Variants in SLC2A13 observed in about 807,000 individuals in gnomAD.
The protein encoded by SLC2A13 is solute carrier family 2 member 13, also known as proton myo-inositol cotransporter.
In SLC2A13, 32 loss-of-function variants were observed where a neutral mutation model predicts 64.4. That is an observed-to-expected ratio of 0.50 (90% CI 0.37 to 0.67). SLC2A13 has a LOEUF of 0.67. Among genes scored for constraint, SLC2A13 ranks in the 30% least tolerant of loss-of-function variants. SLC2A13 has a pLI of 0.00. For missense variants in SLC2A13, 743 were observed against 829.2 expected (o/e 0.90, Z 1.28); for synonymous variants, 338 against 327.1 (o/e 1.03, Z -0.36).
At chr12:40,040,642 T>A (rs1339768703) in intron 2 of SLC2A13, among the ~76,000 whole-genome samples, 1 of 152,156 alleles carries the variant, frequency 6.6e-6, no homozygotes, top group Non-Finnish European at 1.5e-5. Flanking sequence ...TCCACCAGCT[T>A]TGGCCTCCCA....
At chr12:39,946,588 C>G (rs893286604) in intron 4 of SLC2A13, among the ~76,000 whole-genome samples, 1 of 152,088 alleles carries the variant, frequency 6.6e-6, no homozygotes, top group Non-Finnish European at 1.5e-5. Flanking sequence ...AGTTGTGTAC[C>G]TAGGAGGATT....
In SLC2A13 at chr12:39,977,799, C is replaced by A. The variant is rs536596146; in HGVS notation, c.926-26434G>T. Among the ~76,000 whole-genome samples the A allele has an allele frequency of 7.2e-5, 11 of 152,284 alleles. No homozygotes were observed. In the East Asian group the frequency reaches 1.7e-3, roughly 24 times the overall value. Reference sequence around the variant, plus strand: ...TCAGTTGAGTGAAAGCATTTGAGATCAAAAAGAAGAGATTCCTATAAATTA... The same window carrying A: ...TCAGTTGAGTGAAAGCATTTGAGATAAAAAAGAAGAGATTCCTATAAATTA... On this transcript the variant is annotated intron_variant, in intron 3 of 9. Coordinates refer to ENST00000280871, the MANE Select transcript of SLC2A13 (RefSeq NM_052885.4).
chr12:40,105,280 C>A lies in SLC2A13; in HGVS notation c.529G>T (p.Gly177Cys). The change falls in exon 1 of 10, where the codon GGC becomes TGC. Residue 177 changes from glycine to cysteine, a missense_variant. Gly to Cys is a radical substitution (Grantham distance 159). This residue lies in a region of SLC2A13 where 448 missense variants were observed against 447.4 expected (regional missense o/e 1.00). Transcript: ENST00000280871. The surrounding 1 kb of genome is among the most constrained non-coding windows in gnomAD (Gnocchi z 4.2). ...AANNKETLLA[G>C]RLVVGLGIGI... ...ATGCCGAGTCCCACGACCAGGCGGC[C>A]GGCGAGCAGTGTCTCCTTGTTGTTG... 1 of 1,598,030 alleles carries A rather than the reference C, an allele frequency of 6.3e-7. No homozygotes were observed. The highest frequency in any genetic ancestry group is 1.4e-5 in the African/African-American group (1 of 73,736).
chr12:39,977,457 C>A (rs995068415), intron 3 of SLC2A13, among the ~76,000 whole-genome samples: 11 of 152,206 alleles, frequency 7.2e-5, no homozygotes, highest in African/African-American at 2.7e-4. Flanking sequence ...GAAAAGAAAG[C>A]AGTAGACTGA....
chr12:40,067,889 C>T (rs1053098248), intron 1 of SLC2A13, among the ~76,000 whole-genome samples: 9 of 151,996 alleles, frequency 5.9e-5, no homozygotes, highest in African/African-American at 1.7e-4. Flanking sequence ...AGATTGCTTC[C>T]GGTGAAAATT....
intron 3 of SLC2A13, among the ~76,000 whole-genome samples, chr12:39,963,301 A>AAAG (rs1946450208): frequency 6.6e-6 from 1 of 151,930 alleles, no homozygotes; most frequent in Admixed American, 6.6e-5. Context: ...AAAAAAAAAA[A>AAAG]AAAATAGCCA....
chr12:40,032,249 G>A (rs1370429115), intron 2 of SLC2A13, among the ~76,000 whole-genome samples: 1 of 152,060 alleles, frequency 6.6e-6, no homozygotes, highest in Non-Finnish European at 1.5e-5. Flanking sequence ...AGCACCCAAG[G>A]TCCACACCTT....
In SLC2A13 at chr12:40,105,669, G is replaced by A. The variant is rs921694865; in HGVS notation, c.140C>T (p.Ser47Leu). Residue 47 changes from serine (S) to leucine (L), a missense_variant, in exon 1 of 10, where the codon TCG (serine) becomes TTG (leucine). Physicochemically the swap from Ser to Leu is moderately radical, Grantham distance 145 (BLOSUM62 -2). Transcript: ENST00000280871. The surrounding 1 kb of genome is among the most constrained non-coding windows in gnomAD (Gnocchi z 4.2). ...GECSLLAAAE[S>L]STSLQSAGAG... ...GCCCGCGCTCTGCAGGCTGGTGCTC[G>A]ATTCGGCGGCAGCCAGGAGGCTGCA... The A allele has an allele frequency of 6.7e-7, 1 of 1,491,370 alleles. No individual in the cohort carries two copies. The highest frequency in any genetic ancestry group is 2.0e-4 in the Middle Eastern group (1 of 5,008). 92.4% of individuals were successfully genotyped at this position (1,491,370 alleles called of 1,614,324 possible).
At chr12:39,947,658 CTTTTT>C (rs35298500) in intron 4 of SLC2A13, among the ~76,000 whole-genome samples, 3 of 122,230 alleles carry the variant, frequency 2.5e-5, no homozygotes, top group African/African-American at 9.3e-5. Context: ...GTGAGAATTT[CTTTTT>C]TTTTTTTTTT....
At chr12:39,984,805 G>A (rs1479465298) in intron 3 of SLC2A13, among the ~76,000 whole-genome samples, 1 of 152,052 alleles carries the variant, frequency 6.6e-6, no homozygotes, top group African/African-American at 2.4e-5. Flanking sequence ...CATCTTTACG[G>A]CTTTGTAAGT....
At chr12:39,799,555 A>G (rs1249370137) in intron 7 of SLC2A13, among the ~76,000 whole-genome samples, 2 of 152,138 alleles carry the variant, frequency 1.3e-5, no homozygotes, top group Non-Finnish European at 2.9e-5. Flanking sequence ...AATAAAGTAA[A>G]CAAGAAGATA....
intron 4 of SLC2A13, among the ~76,000 whole-genome samples, chr12:39,899,497 T>G (rs1483045748): frequency 6.6e-6 from 1 of 152,062 alleles, no homozygotes; most frequent in Admixed American, 6.6e-5. Context: ...CTGCTCTGAT[T>G]TTAGTTATTT....
intron 6 of SLC2A13, among the ~76,000 whole-genome samples, chr12:39,856,522 C>G (rs1209463911): frequency 1.3e-5 from 2 of 152,154 alleles, no homozygotes; most frequent in Non-Finnish European, 2.9e-5. Context: ...GCGCATGCCA[C>G]CATGCCCAGC....
chr12:40,077,888 T>C (rs920325272), intron 1 of SLC2A13, among the ~76,000 whole-genome samples: 1 of 152,202 alleles, frequency 6.6e-6, no homozygotes, highest in Non-Finnish European at 1.5e-5. Context: ...GCTGTATTCC[T>C]AGATATTTTA....
At chr12:39,979,930 C>T (rs1259252721) in intron 3 of SLC2A13, among the ~76,000 whole-genome samples, 23 of 142,164 alleles carry the variant, frequency 1.6e-4, no homozygotes, top group African/African-American at 4.2e-4. Context: ...AGAGAAAGGT[C>T]GGGTTACCCT....
chr12:40,092,830 G>C (rs1938812320), intron 1 of SLC2A13, among the ~76,000 whole-genome samples: 1 of 152,174 alleles, frequency 6.6e-6, no homozygotes, highest in African/African-American at 2.4e-5. Context: ...TTTACAGTCT[G>C]GGTGAACTAC....
chr12:40,003,383 G>T (rs1266902088), intron 3 of SLC2A13, among the ~76,000 whole-genome samples: 1 of 152,146 alleles, frequency 6.6e-6, no homozygotes, highest in Non-Finnish European at 1.5e-5. Context: ...AAGGACCAAG[G>T]AAGAGGAGAG....
intron 3 of SLC2A13, among the ~76,000 whole-genome samples, chr12:40,013,836 A>G (rs961295019): frequency 6.6e-6 from 1 of 152,168 alleles, no homozygotes; most frequent in Non-Finnish European, 1.5e-5. Flanking sequence ...TCAGCACCTG[A>G]TTTTACAGAG....
At chr12:39,962,765 A>T (rs1432490284) in intron 3 of SLC2A13, among the ~76,000 whole-genome samples, 1 of 152,196 alleles carries the variant, frequency 6.6e-6, no homozygotes, top group Admixed American at 6.5e-5. Context: ...ATCAGTGTTG[A>T]ATAGTACAAT....
Sources: allele counts gnomAD v4.1 joint callset (sites outside exome capture counted in the v4.1 genomes callset), GRCh38; gene constraint gnomAD v4.1.1; regional missense constraint gnomAD v4.1.1; non-coding constraint Gnocchi (gnomAD v3.1); transcripts MANE v1.5; gene names NCBI Gene and HGNC (gene_info 2026-07-23, HGNC 2026-07-21).